The following MALT1 variants were observed in gnomAD, a reference collection of about 807,000 sequenced individuals.
MALT1 encodes MALT1 paracaspase.
MALT1 carries 36 observed loss-of-function variants against 85.5 expected under a neutral mutation model. That is an observed-to-expected ratio of 0.42 (90% confidence interval 0.32 to 0.56). The LOEUF is 0.56. Among genes scored for constraint, MALT1 ranks in the 20% least tolerant of loss-of-function variants. MALT1 has a pLI of 0.10. For missense variants in MALT1, 716 were observed against 981.6 expected, an observed-to-expected ratio of 0.73 and a Z score of 3.62; for synonymous variants, 359 against 361.3, an observed-to-expected ratio of 0.99 and a Z score of 0.07.
At position 58,671,656 on chromosome 18, in the gene MALT1, G is replaced by T; in HGVS notation, c.13G>T (p.Gly5Trp). The T allele has an allele frequency of 8.2e-7, 1 of 1,219,260 alleles. No homozygotes were observed. The highest frequency in any genetic ancestry group is 4.0e-5 in the South Asian group (1 of 25,136). The allele number at this position is 1,219,260 out of a possible 1,614,324, so 75.5% of individuals were successfully genotyped here. A position where few individuals can be genotyped will look rare whatever the true frequency, so the allele number is the denominator to read the frequency against. ...GCCGGCGAGGGCCATGTCGCTGTTG[G>T]GGGACCCGCTACAGGCCCTGCCGCC... MSLL[G>W]DPLQALPPSA... Residue 5 changes from glycine (G) to tryptophan (W), a missense_variant, in exon 1 of 17, where the codon GGG (glycine) becomes TGG (tryptophan). Around this residue, in one of 4 missense-constraint regions of MALT1, gnomAD observed 80 missense variants for 65.1 expected, o/e 1.23. Transcript: ENST00000649217.
In MALT1 at chr18:58,698,107, G is replaced by A. The variant is rs550190846; in HGVS notation, c.498+1620G>A. Among the ~76,000 whole-genome samples the A allele has an allele frequency of 2.2e-3, 310 of 138,858 alleles. 2 individuals carry two copies. The highest frequency in any genetic ancestry group is 1.3e-3 in the African/African-American group (49 of 38,104). 91.1% of individuals were successfully genotyped at this position (138,858 alleles called of 152,430 possible). A position where few individuals can be genotyped will look rare whatever the true frequency, so the allele number is the denominator to read the frequency against. On this transcript the variant is annotated intron_variant, in intron 3 of 16. Coordinates refer to ENST00000649217, the MANE Select transcript of MALT1 (RefSeq NM_006785.4). ...TTTTGAGATGGAGTCTCGCTCTGTC[G>A]CCAGGCTGGAGTGCAGTGGCGCGAT...
rs2055393848 is a variant in MALT1 at position 58,747,954 on chromosome 18, G to C, written c.*112G>C. ...AATTTGTATATGTAGAGAAAGAATA[G>C]TAGTAACTGTTTCATAGCAAACTTC... On this transcript the variant is annotated 3_prime_UTR_variant, in exon 17 of 17. Transcript: ENST00000649217. 1.3e-6 allele frequency: 1 copy of C among 749,748 alleles called. No homozygotes were observed. The highest frequency in any genetic ancestry group is 2.5e-5 in the East Asian group (1 of 39,918). The allele number at this position is 749,748 out of a possible 1,614,324, so 46.4% of individuals were successfully genotyped here.
rs1022250174 is a variant in MALT1 at position 58,671,512 on chromosome 18, C to T, written c.-132C>T. 27 of 505,042 alleles carry T rather than the reference C, an allele frequency of 5.3e-5. No homozygotes were observed. The highest frequency in any genetic ancestry group is 2.1e-4 in the South Asian group (2 of 9,620). The allele number at this position is 505,042 out of a possible 1,614,324, so 31.3% of individuals were successfully genotyped here. A position where few individuals can be genotyped will look rare whatever the true frequency, so the allele number is the denominator to read the frequency against. On this transcript the variant is annotated 5_prime_UTR_variant, in exon 1 of 17. Coordinates refer to ENST00000649217, the MANE Select transcript of MALT1 (RefSeq NM_006785.4). Reference sequence around the variant, plus strand: ...GAGCGGAGCTTCCTCCTCTGAGGGCCGTGCCGCGCTGCCAGATTTGTTCTT... The same window carrying T: ...GAGCGGAGCTTCCTCCTCTGAGGGCTGTGCCGCGCTGCCAGATTTGTTCTT...
At chr18:58,727,628 G>GTTTTTTTTT (rs74183292) in intron 10 of MALT1, among the ~76,000 whole-genome samples, 1 of 130,642 alleles carries the variant, frequency 7.7e-6, no homozygotes, top group East Asian at 2.2e-4. Context: ...TTTTTTTTTT[G>GTTTTTTTTT]TTTTTTTTTT....
intron 13 of MALT1, among the ~76,000 whole-genome samples, chr18:58,741,076 T>TCCTACTC (rs2055295065): frequency 6.6e-6 from 1 of 152,172 alleles, no homozygotes; most frequent in Non-Finnish European, 1.5e-5. Flanking sequence ...ACTTTTACTT[T>TCCTACTC]CCTACTCTTA....
At chr18:58,724,675 T>A (rs2055028898) in intron 10 of MALT1, among the ~76,000 whole-genome samples, 1 of 152,152 alleles carries the variant, frequency 6.6e-6, no homozygotes, top group Non-Finnish European at 1.5e-5. Flanking sequence ...TAAAATATTG[T>A]ATAAAATTAC....
intron 4 of MALT1, among the ~76,000 whole-genome samples, chr18:58,707,402 ATG>A (rs2054767779): frequency 6.6e-6 from 1 of 151,448 alleles, no homozygotes; most frequent in Admixed American, 6.6e-5. Flanking sequence ...TATTTTAGAA[ATG>A]TGAGGCTATT....
At chr18:58,708,493 C>G (rs1004105094) in intron 4 of MALT1, among the ~76,000 whole-genome samples, 1 of 152,200 alleles carries the variant, frequency 6.6e-6, no homozygotes. Flanking sequence ...AAACATTCAG[C>G]TGGCTTACCC....
chr18:58,685,797 T>C (rs2054392819), intron 2 of MALT1, among the ~76,000 whole-genome samples: 2 of 152,190 alleles, frequency 1.3e-5, no homozygotes, highest in African/African-American at 4.8e-5. Flanking sequence ...TTCATCCCAT[T>C]TTCCAGCGCT....
chr18:58,737,306 C>T (rs183511913), intron 13 of MALT1, among the ~76,000 whole-genome samples: 112 of 151,936 alleles, frequency 7.4e-4, no homozygotes, highest in African/African-American at 2.4e-3. Context: ...ATTGTCAGAC[C>T]CCCCATCTCT....
chr18:58,702,865 T>G (rs2054693683), intron 4 of MALT1, among the ~76,000 whole-genome samples: 1 of 152,180 alleles, frequency 6.6e-6, no homozygotes, highest in South Asian at 2.1e-4. Context: ...AAAAAACCAG[T>G]CTCCTCTAAA....
intron 8 of MALT1, among the ~76,000 whole-genome samples, chr18:58,715,280 A>G (rs1318544797): frequency 6.6e-6 from 1 of 152,138 alleles, no homozygotes; most frequent in Non-Finnish European, 1.5e-5. Flanking sequence ...AGATTCTAAA[A>G]TTTTCCTGGC....
At chr18:58,714,699 GCCTTCA>G (rs1478336844) in intron 8 of MALT1, among the ~76,000 whole-genome samples, 1 of 152,134 alleles carries the variant, frequency 6.6e-6, no homozygotes, top group African/African-American at 2.4e-5. Flanking sequence ...AATAAGTTAA[GCCTTCA>G]CCTGAGATAA....
intron 7 of MALT1, 81 bp from the exon 8 acceptor site, chr18:58,714,002 A>T: frequency 1.4e-6 from 1 of 706,648 alleles, no homozygotes; most frequent in Admixed American, 2.6e-5. Flanking sequence ...TCACTGGCTC[A>T]AAACTACTTG....
chr18:58,698,868 C>T (rs1479920768), intron 3 of MALT1, among the ~76,000 whole-genome samples: 1 of 152,176 alleles, frequency 6.6e-6, no homozygotes, highest in Non-Finnish European at 1.5e-5. Context: ...CATGCAGGCA[C>T]CAGTGGTATC....
chr18:58,688,978 C>A lies in MALT1; in HGVS notation c.377-7388C>A, dbSNP rs562417244. 3.3e-5 allele frequency among the ~76,000 whole-genome samples: 5 copies of A among 152,100 alleles called. No individual in the cohort carries two copies. In the East Asian group the frequency reaches 9.6e-4, roughly 29 times the overall value. ...ACCAGCCTGGGCAACATGGCAAAAC[C>A]CTGCCTCTACAAAAAATGCAAAAAT... On this transcript the variant is annotated intron_variant, in intron 2 of 16. Transcript: ENST00000649217.
intron 10 of MALT1, among the ~76,000 whole-genome samples, chr18:58,726,964 C>G (rs1397047500): frequency 1.3e-5 from 2 of 152,232 alleles, no homozygotes; most frequent in Non-Finnish European, 2.9e-5. Context: ...TGGCTTTCTG[C>G]TGACTTAGCT....
At chr18:58,693,308 GC>G (rs1223672703) in intron 2 of MALT1, among the ~76,000 whole-genome samples, 2 of 152,208 alleles carry the variant, frequency 1.3e-5, no homozygotes, top group African/African-American at 4.8e-5. Context: ...TGTAGTCCCA[GC>G]CACTCGGGAG....
chr18:58,708,142 C>T (rs572883433), intron 4 of MALT1, among the ~76,000 whole-genome samples: 2 of 152,202 alleles, frequency 1.3e-5, no homozygotes, highest in Non-Finnish European at 2.9e-5. Flanking sequence ...CAAGGGTTTC[C>T]CTCAGGCCTC....
Sources: gnomAD v4.1 joint callset for allele counts (sites outside exome capture counted in the v4.1 genomes callset) on GRCh38, gnomAD v4.1.1 for gene constraint, gnomAD v4.1.1 regional missense constraint, MANE v1.5 for transcripts, NCBI Gene and HGNC (gene_info 2026-07-23, HGNC 2026-07-21) for gene names.